The following SMYD3 variants were observed in gnomAD, a reference collection of about 807,000 sequenced individuals.
The protein encoded by SMYD3 is histone-lysine N-methyltransferase SMYD3.
A neutral mutation model predicts 57.7 loss-of-function variants in SMYD3; 36 were observed. That is an observed-to-expected ratio of 0.62 (90% confidence interval 0.48 to 0.82). The LOEUF (loss-of-function observed/expected upper bound fraction) is 0.82. SMYD3 is among the 40% of genes least tolerant of loss of function. The pLI, the probability that SMYD3 is intolerant of heterozygous loss-of-function variation, is 0.00. For synonymous variants in SMYD3, 211 were observed against 195.0 expected (o/e 1.08, Z -0.68); for missense variants, 515 against 538.8 (o/e 0.96, Z 0.44).
At chr1:246,119,506 G>A (rs1053789168) in intron 5 of SMYD3, among the ~76,000 whole-genome samples, 1 of 150,850 alleles carries the variant, frequency 6.6e-6, no homozygotes, top group African/African-American at 2.4e-5. Context: ...TCCACCTCCA[G>A]GGTTCAAGTG....
At chr1:246,468,713 A>G (rs184119641) in intron 1 of SMYD3, among the ~76,000 whole-genome samples, 1 of 152,224 alleles carries the variant, frequency 6.6e-6, no homozygotes, top group African/African-American at 2.4e-5. Flanking sequence ...GTGGTGGCTC[A>G]TGTCTGTAAT....
chr1:245,894,992 A>G (rs1171240383), intron 8 of SMYD3, among the ~76,000 whole-genome samples: 3 of 152,244 alleles, frequency 2.0e-5, no homozygotes, highest in Non-Finnish European at 4.4e-5. Context: ...GCAGAGAAGA[A>G]GTGCCACATC....
chr1:245,995,810 G>A (rs1289988118), intron 5 of SMYD3, among the ~76,000 whole-genome samples: 4 of 152,266 alleles, frequency 2.6e-5, no homozygotes, highest in Non-Finnish European at 5.9e-5. Flanking sequence ...AGTCCTATGT[G>A]TGGCAAGGAT....
At chr1:246,069,374 C>A (rs2060403029) in intron 5 of SMYD3, among the ~76,000 whole-genome samples, 2 of 152,304 alleles carry the variant, frequency 1.3e-5, no homozygotes, top group African/African-American at 4.8e-5. Flanking sequence ...ACACATTTCA[C>A]ATAAAACAGA....
At chr1:246,276,650 A>G (rs867057580) in intron 5 of SMYD3, among the ~76,000 whole-genome samples, 39 of 148,564 alleles carry the variant, frequency 2.6e-4, no homozygotes, top group South Asian at 1.9e-3. Flanking sequence ...TTTCTAGTGG[A>G]GTCTGATGCC....
At chr1:245,771,330 T>C (rs1473614423) in intron 10 of SMYD3, among the ~76,000 whole-genome samples, 1 of 152,212 alleles carries the variant, frequency 6.6e-6, no homozygotes, top group Admixed American at 6.5e-5. Context: ...AGCTGGATGA[T>C]AGACATATGA....
chr1:246,489,489 GC>G lies in SMYD3; in HGVS notation c.164+17564del, dbSNP rs1361997859. 6.6e-5 allele frequency among the ~76,000 whole-genome samples: 10 copies of G among 152,270 alleles called. No homozygotes were observed. The South Asian group carries it at 2.1e-3, about 32-fold the overall frequency. On this transcript the variant is annotated intron_variant, in intron 1 of 11. Coordinates refer to ENST00000490107, the MANE Select transcript of SMYD3 (RefSeq NM_001167740.2). ...CTATTTTATGAATGAGAAAACAGAA[GC>G]CCAGGGTTTAAGAGGCAGAAGGTTA... is the stretch of plus-strand genomic sequence containing the variant.
chr1:246,306,768 A>T (rs2064986108), intron 5 of SMYD3, among the ~76,000 whole-genome samples: 1 of 152,210 alleles, frequency 6.6e-6, no homozygotes, highest in Non-Finnish European at 1.5e-5. Context: ...TCATTACAGA[A>T]CAAAACAGTC....
intron 10 of SMYD3, among the ~76,000 whole-genome samples, chr1:245,851,924 T>C (rs1024403598): frequency 5.9e-5 from 9 of 152,206 alleles, no homozygotes; most frequent in Non-Finnish European, 4.4e-5. Context: ...TGTTCTGCCA[T>C]GTGCAGCAGC....
At chr1:245,845,762 G>A (rs2050633176) in intron 10 of SMYD3, among the ~76,000 whole-genome samples, 1 of 152,316 alleles carries the variant, frequency 6.6e-6, no homozygotes, top group South Asian at 2.1e-4. Context: ...CCTTTCATCA[G>A]TCTTTTTATT....
At chr1:245,797,607 T>C (rs572994676) in intron 10 of SMYD3, among the ~76,000 whole-genome samples, 84 of 151,884 alleles carry the variant, frequency 5.5e-4, no homozygotes, top group South Asian at 1.7e-3. Context: ...CACACCAACA[T>C]GGCACATGTA....
chr1:246,231,368 T>C (rs2063406519), intron 5 of SMYD3, among the ~76,000 whole-genome samples: 1 of 152,174 alleles, frequency 6.6e-6, no homozygotes, highest in Admixed American at 6.5e-5. Context: ...AATAGATCTA[T>C]TTAATAAAAT....
At chr1:246,273,009 T>C (rs1247435162) in intron 5 of SMYD3, among the ~76,000 whole-genome samples, 1 of 152,120 alleles carries the variant, frequency 6.6e-6, no homozygotes, top group African/African-American at 2.4e-5. Context: ...TCTTTCACAG[T>C]TTTTTATATT....
intron 5 of SMYD3, among the ~76,000 whole-genome samples, chr1:246,168,350 C>G (rs2062259179): frequency 1.3e-5 from 2 of 152,260 alleles, no homozygotes; most frequent in African/African-American, 4.8e-5. Flanking sequence ...GAAGGAACTT[C>G]AGGGAGGAAG....
Position 245,863,812 on chromosome 1 carries a change from C to T in SMYD3, c.888G>A (p.Leu296=). 1 of 1,614,014 alleles carries T rather than the reference C, an allele frequency of 6.2e-7. No individual in the cohort carries two copies. Among genetic ancestry groups the T allele is most frequent in the Non-Finnish European group, 8.5e-7 (1 of 1,179,894 alleles). The change falls in exon 9 of 12, where the codon CTG becomes CTA. Residue 296 remains leucine, a synonymous_variant. Coordinates refer to ENST00000490107, the MANE Select transcript of SMYD3 (RefSeq NM_001167740.2). ...VQESLKKIEE[L]KAHWKWEQVL... ...GCGAAAGGATACTCCAGTGTGCCTTCAGTTCTTCAATTTTTTTCAGGGATT... is the reference window on the plus strand; with the variant it reads ...GCGAAAGGATACTCCAGTGTGCCTTTAGTTCTTCAATTTTTTTCAGGGATT...
chr1:246,237,935 T>C (rs950890471), intron 5 of SMYD3, among the ~76,000 whole-genome samples: 1 of 152,218 alleles, frequency 6.6e-6, no homozygotes, highest in African/African-American at 2.4e-5. Flanking sequence ...TTCTTAAAAC[T>C]AGGAAAGTAA....
chr1:246,274,270 G>A (rs2064286270), intron 5 of SMYD3, among the ~76,000 whole-genome samples: 1 of 152,154 alleles, frequency 6.6e-6, no homozygotes, highest in Admixed American at 6.5e-5. Context: ...GAGTCTAATG[G>A]TTAATTACTT....
At chr1:245,887,922 C>T (rs2053175925) in intron 8 of SMYD3, among the ~76,000 whole-genome samples, 1 of 152,042 alleles carries the variant, frequency 6.6e-6, no homozygotes, top group South Asian at 2.1e-4. Context: ...TGCTGAAAGA[C>T]TGGAGATGAA....
intron 5 of SMYD3, among the ~76,000 whole-genome samples, chr1:246,138,571 T>G (rs71533461): frequency 0.021 from 1,490 of 71,354 alleles, 167 homozygotes; most frequent in African/African-American, 0.037. Context: ...GACTGCAGGC[T>G]CCCGCCACCA....
Sources: gnomAD v4.1 joint callset for allele counts (sites outside exome capture counted in the v4.1 genomes callset) on GRCh38, gnomAD v4.1.1 for gene constraint, MANE v1.5 for transcripts, NCBI Gene and HGNC (gene_info 2026-07-23, HGNC 2026-07-21) for gene names.